The following DCX variants were observed in gnomAD, a reference collection of about 807,000 sequenced individuals.
DCX encodes neuronal migration protein doublecortin.
DCX carries 4 observed loss-of-function variants against 20.9 expected under a neutral mutation model. The observed-to-expected ratio is 0.19, with a 90% CI of 0.09 to 0.44. The LOEUF (loss-of-function observed/expected upper bound fraction) is 0.44. Ranked by LOEUF, DCX falls within the 20% of genes least tolerant of loss-of-function variation. The probability of loss-of-function intolerance (pLI) is 0.99; values close to 1 mark genes in which losing one functional copy is unlikely to be tolerated. For missense variants in DCX, 133 were observed against 296.9 expected (o/e 0.45, Z 4.06); for synonymous variants, 103 against 111.4 (o/e 0.92, Z 0.47).
At chrX:111,380,322 A>G (rs1226057122) in intron 3 of DCX, among the ~76,000 whole-genome samples, 1 of 111,495 alleles carries the variant, frequency 9.0e-6, no homozygotes, top group Non-Finnish European at 1.9e-5. Flanking sequence ...TGGGTCTTTG[A>G]TTCATTTTGA....
At chrX:111,352,892 G>A (rs1923437141) in intron 3 of DCX, among the ~76,000 whole-genome samples, 1 of 106,771 alleles carries the variant, frequency 9.4e-6, no homozygotes, top group Non-Finnish European at 1.9e-5. Context: ...ATGCCTTCTG[G>A]GTAACAAATT....
At chrX:111,346,701 C>T (rs1859641174) in intron 3 of DCX, among the ~76,000 whole-genome samples, 1 of 111,935 alleles carries the variant, frequency 8.9e-6, no homozygotes, top group Non-Finnish European at 1.9e-5. Context: ...AAATTAATTG[C>T]ACACATTAAA....
At chrX:111,364,069 G>A (rs979892197) in intron 3 of DCX, among the ~76,000 whole-genome samples, 38 of 111,929 alleles carry the variant, frequency 3.4e-4, no homozygotes, top group African/African-American at 1.2e-3. Flanking sequence ...GTGCAGTGGT[G>A]GAAATAGGGC....
chrX:111,364,023 C>A (rs1190267230), intron 3 of DCX, among the ~76,000 whole-genome samples: 1 of 111,991 alleles, frequency 8.9e-6, no homozygotes, highest in Admixed American at 9.5e-5. Context: ...CATGAAGACG[C>A]AAGCACGGTA....
At chrX:111,316,180 C>G (rs747823445) in intron 5 of DCX, among the ~76,000 whole-genome samples, 1 of 109,956 alleles carries the variant, frequency 9.1e-6, no homozygotes, top group East Asian at 2.8e-4. Flanking sequence ...GAAGCATTCC[C>G]CTTGAAAACC....
At chrX:111,377,029 T>A (rs1925589090) in intron 3 of DCX, among the ~76,000 whole-genome samples, 1 of 111,775 alleles carries the variant, frequency 8.9e-6, no homozygotes, top group Non-Finnish European at 1.9e-5. Flanking sequence ...AGGACTTAAC[T>A]TCTCAGCTCA....
intron 3 of DCX, among the ~76,000 whole-genome samples, chrX:111,358,898 A>T (rs1923975044): frequency 8.9e-6 from 1 of 112,288 alleles, no homozygotes. Context: ...CAATAAATCT[A>T]TTATACCTAT....
chrX:111,408,228 T>C (rs1928360357), intron 2 of DCX, among the ~76,000 whole-genome samples: 1 of 111,540 alleles, frequency 9.0e-6, no homozygotes, highest in Non-Finnish European at 1.9e-5. Flanking sequence ...GGCCAGTCCT[T>C]TGATGGTCAG....
chrX:111,365,630 C>A (rs781485762), intron 3 of DCX, among the ~76,000 whole-genome samples: 1 of 109,254 alleles, frequency 9.2e-6, no homozygotes, highest in South Asian at 4.2e-4. Context: ...CAGTCCCCCA[C>A]TACCCTTAAC....
chrX:111,334,661 T>A (rs749768850), intron 3 of DCX, among the ~76,000 whole-genome samples: 1 of 112,082 alleles, frequency 8.9e-6, no homozygotes, highest in African/African-American at 3.2e-5. Flanking sequence ...TAAACACAGA[T>A]CTATCTAACT....
Position 111,393,900 on chromosome X carries a change from G to T in DCX, c.705+7090C>A, listed in dbSNP as rs1237795727. Among the ~76,000 whole-genome samples, 3 of 110,929 alleles carry T rather than the reference G, an allele frequency of 2.7e-5. No individual in the cohort carries two copies. In the East Asian group the frequency reaches 8.5e-4, roughly 31 times the overall value. ...GGAACTCTCATACAATACGAATAAG[G>T]ATGGAAAATGGTGCAGCCACTTTGG... On this transcript the variant is annotated intron_variant, in intron 3 of 6. Coordinates refer to ENST00000636035, the MANE Select transcript of DCX (RefSeq NM_001195553.2).
intron 3 of DCX, among the ~76,000 whole-genome samples, chrX:111,395,972 C>T (rs1927285169): frequency 8.9e-6 from 1 of 112,439 alleles, no homozygotes; most frequent in Non-Finnish European, 1.9e-5. Flanking sequence ...AAAGGAAAAA[C>T]ACACCTACCT....
At chrX:111,336,447 T>A (rs1921746068) in intron 3 of DCX, among the ~76,000 whole-genome samples, 1 of 112,745 alleles carries the variant, frequency 8.9e-6, no homozygotes, top group Admixed American at 9.3e-5. Context: ...TTCCACATTT[T>A]ACTGGCTCCC....
In DCX at chrX:111,300,524, T is replaced by C. The variant is rs1035822330; in HGVS notation, c.*1163A>G. 1 of 112,395 alleles carries C rather than the reference T, an allele frequency of 8.9e-6. No individual in the cohort carries two copies. The highest frequency in any genetic ancestry group is 3.2e-5 in the African/African-American group (1 of 30,877). 9.3% of individuals were successfully genotyped at this position (112,395 alleles called of 1,213,427 possible). A position where few individuals can be genotyped will look rare whatever the true frequency, so the allele number is the denominator to read the frequency against. ...TAAAAAGCTATCAAAAAACTGATTC[T>C]ATTGAATTGGCCTCTGCTATTCATC... On this transcript the variant is annotated 3_prime_UTR_variant, in exon 7 of 7. Transcript: ENST00000636035.
intron 3 of DCX, among the ~76,000 whole-genome samples, chrX:111,396,476 G>C (rs1351460401): frequency 5.4e-5 from 6 of 111,802 alleles, no homozygotes; most frequent in Non-Finnish European, 1.1e-4. Flanking sequence ...CATGAAAATG[G>C]ATGTTGTGAA....
chrX:111,375,232 A>G, intron 3 of DCX, among the ~76,000 whole-genome samples: 1 of 108,797 alleles, frequency 9.2e-6, no homozygotes, highest in African/African-American at 3.3e-5. Context: ...ACACACACAC[A>G]AAAAAGGAAT....
At position 111,369,730 on chromosome X, in the gene DCX, G is replaced by A. The variant is rs1228618502; in HGVS notation, c.705+31260C>T. On this transcript the variant is annotated intron_variant, in intron 3 of 6. Transcript: ENST00000636035. ...GACAACAGATTAAGCCAGTACTGCA[G>A]CTATTTTAATTGATCTTGCTGCCAT... is the stretch of plus-strand genomic sequence containing the variant. 5.4e-5 allele frequency among the ~76,000 whole-genome samples: 6 copies of A among 111,888 alleles called. 1 individual carries two copies. The highest frequency in any genetic ancestry group is 3.8e-4 in the Admixed American group (4 of 10,534).
chrX:111,363,658 T>A (rs1317101972), intron 3 of DCX, among the ~76,000 whole-genome samples: 1 of 111,265 alleles, frequency 9.0e-6, no homozygotes, highest in African/African-American at 3.3e-5. Context: ...TGAACATTCT[T>A]GAAGAAGCTT....
chrX:111,397,778 C>CAT (rs201711287), intron 3 of DCX, among the ~76,000 whole-genome samples: 1 of 94,945 alleles, frequency 1.1e-5, no homozygotes, highest in African/African-American at 3.4e-5. Flanking sequence ...TGTATATCTA[C>CAT]ATATATGTGT....
Sources: allele counts gnomAD v4.1 joint callset (sites outside exome capture counted in the v4.1 genomes callset), GRCh38; gene constraint gnomAD v4.1.1; transcripts MANE v1.5; gene names NCBI Gene and HGNC (gene_info 2026-07-23, HGNC 2026-07-21).